The following CAPZB variants were observed in gnomAD, a reference collection of about 807,000 sequenced individuals.
CAPZB encodes the protein F-actin-capping protein subunit beta.
In CAPZB, 2 loss-of-function variants were observed where a neutral mutation model predicts 38.1. That is an observed-to-expected ratio of 0.05 (90% CI 0.02 to 0.17). The LOEUF (loss-of-function observed/expected upper bound fraction) is 0.17. CAPZB is among the 10% of genes least tolerant of loss of function. The pLI is 1.00. For missense variants in CAPZB, 161 were observed against 334.2 expected (o/e 0.48, Z 4.04); for synonymous variants, 107 against 127.4 (o/e 0.84, Z 1.08).
chr1:19,449,260 A>C (rs1040892559), intron 1 of CAPZB: 32 of 1,073,898 alleles, frequency 3.0e-5, no homozygotes, highest in Non-Finnish European at 3.6e-5. Context: ...TTGACACTTG[A>C]AAATTCCGAT....
At chr1:19,371,519 C>T (rs183669609) in intron 4 of CAPZB, among the ~76,000 whole-genome samples, 7 of 152,308 alleles carry the variant, frequency 4.6e-5, no homozygotes, top group Admixed American at 3.3e-4. Flanking sequence ...TTAACTCACT[C>T]GCCCAGTCAG....
At chr1:19,429,216 A>G (rs1203037626) in intron 1 of CAPZB, among the ~76,000 whole-genome samples, 3 of 151,934 alleles carry the variant, frequency 2.0e-5, no homozygotes, top group African/African-American at 7.3e-5. Context: ...TCCTCAACTA[A>G]TATGTTGCTT....
chr1:19,388,900 A>C (rs1469405113), intron 2 of CAPZB, among the ~76,000 whole-genome samples: 1 of 152,190 alleles, frequency 6.6e-6, no homozygotes, highest in East Asian at 1.9e-4. Context: ...TTTAAACTGG[A>C]ACTCAAAAAC....
At chr1:19,389,995 G>C (rs772087578) in intron 2 of CAPZB, among the ~76,000 whole-genome samples, 9 of 152,194 alleles carry the variant, frequency 5.9e-5, no homozygotes, top group Non-Finnish European at 1.2e-4. Context: ...GGCCAAGACA[G>C]GCCCTCCAGC....
intron 2 of CAPZB, among the ~76,000 whole-genome samples, chr1:19,389,756 C>T (rs776732053): frequency 1.3e-5 from 2 of 152,184 alleles, no homozygotes; most frequent in African/African-American, 4.8e-5. Context: ...CTAAATCTGA[C>T]AGCCAATCCC....
At chr1:19,347,229 G>A (rs527915511) in intron 6 of CAPZB, among the ~76,000 whole-genome samples, 3 of 152,256 alleles carry the variant, frequency 2.0e-5, no homozygotes, top group East Asian at 1.9e-4. Flanking sequence ...TGATGGGATC[G>A]TTAAAATCAT....
At chr1:19,468,728 T>A (rs1249159598) in intron 1 of CAPZB, among the ~76,000 whole-genome samples, 4 of 151,652 alleles carry the variant, frequency 2.6e-5, no homozygotes, top group Admixed American at 2.6e-4. Flanking sequence ...CTGGCTCCTC[T>A]GAGTTTAAAT....
At chr1:19,426,878 G>T (rs757311390) in intron 1 of CAPZB, among the ~76,000 whole-genome samples, 9 of 152,262 alleles carry the variant, frequency 5.9e-5, no homozygotes, top group Non-Finnish European at 1.2e-4. Flanking sequence ...AGAAGGATTT[G>T]TCTGGTGACC....
intron 6 of CAPZB, among the ~76,000 whole-genome samples, chr1:19,353,117 G>T (rs2268804): frequency 1.3e-5 from 2 of 152,226 alleles, no homozygotes; most frequent in Non-Finnish European, 2.9e-5. Context: ...CTGCCGGGGT[G>T]AGGCAGGCTG....
chr1:19,410,247 A>C (rs2094351444), intron 2 of CAPZB, among the ~76,000 whole-genome samples: 1 of 152,234 alleles, frequency 6.6e-6, no homozygotes, highest in Non-Finnish European at 1.5e-5. Context: ...CAGTTAGAAC[A>C]GATAGGATGC....
intron 4 of CAPZB, among the ~76,000 whole-genome samples, chr1:19,359,199 T>G (rs1424244743): frequency 6.9e-6 from 1 of 145,122 alleles, no homozygotes; most frequent in East Asian, 2.1e-4. Context: ...TATACAAGAA[T>G]TCTCTGTACT....
Position 19,356,536 on chromosome 1 carries a change from C to T in CAPZB, c.588+99G>A. On this transcript the variant is annotated intron_variant, in intron 6 of 8. Coordinates refer to ENST00000264202, the MANE Select transcript of CAPZB (RefSeq NM_004930.5). This position sits in a 1 kb window ranked among gnomAD's most constrained non-coding sequence, Gnocchi z 4.3. ...GTGGATTTATAGCTGGCTGAACATG[C>T]TTACCCTAAATGGGGCACCTGCTCA... is the stretch of plus-strand genomic sequence containing the variant. 1 of 810,056 alleles carries T rather than the reference C, an allele frequency of 1.2e-6. No individual in the cohort carries two copies. 50.2% of individuals were successfully genotyped at this position (810,056 alleles called of 1,614,324 possible). A position where few individuals can be genotyped will look rare whatever the true frequency, so the allele number is the denominator to read the frequency against.
chr1:19,344,322 G>A lies in CAPZB; in HGVS notation c.731+36C>T, dbSNP rs570080080. 1.0e-5 allele frequency: 16 copies of A among 1,553,894 alleles called. No homozygotes were observed. The East Asian group carries it at 2.2e-4, about 22-fold the overall frequency. On this transcript the variant is annotated intron_variant, in intron 8 of 8. Transcript: ENST00000264202. ...GCAGAGCCAGGGTTCAAATCCCTCT[G>A]TCTGCTTCTAAAGCTTGTGCTTTCT...
chr1:19,461,679 C>T (rs542517807), intron 1 of CAPZB, among the ~76,000 whole-genome samples: 13 of 152,240 alleles, frequency 8.5e-5, no homozygotes, highest in South Asian at 4.2e-4. Flanking sequence ...TTTATGGAAA[C>T]GAAATCTATC....
At position 19,446,972 on chromosome 1, in the gene CAPZB, C is replaced by A. The variant is rs117366984; in HGVS notation, c.4-27222G>T. On this transcript the variant is annotated intron_variant, in intron 1 of 8. Transcript: ENST00000264202. ...TCAATTTTACCCTCTATGGTTTGTA[C>A]TGTGCAAAACTAGGCTTCACTTTAT... Among the ~76,000 whole-genome samples, 49 of 152,292 alleles carry A rather than the reference C, an allele frequency of 3.2e-4. No individual in the cohort carries two copies. The East Asian group carries it at 9.4e-3, about 29-fold the overall frequency.
At chr1:19,448,863 G>A (rs774463622) in intron 1 of CAPZB, 47 of 1,612,762 alleles carry the variant, frequency 2.9e-5, no homozygotes, top group Non-Finnish European at 3.7e-5. Flanking sequence ...CATCTTCTGG[G>A]CTGGCCAAGG....
At chr1:19,407,982 G>T (rs932250081) in intron 2 of CAPZB, among the ~76,000 whole-genome samples, 2 of 152,202 alleles carry the variant, frequency 1.3e-5, no homozygotes, top group African/African-American at 4.8e-5. Context: ...TTTGGGTGGG[G>T]GGCCGTGGCA....
At chr1:19,399,714 G>A (rs564353075) in intron 2 of CAPZB, among the ~76,000 whole-genome samples, 9 of 152,232 alleles carry the variant, frequency 5.9e-5, no homozygotes, top group South Asian at 2.1e-4. Flanking sequence ...CTTCTACCTG[G>A]TTTATTCAAG....
intron 1 of CAPZB, among the ~76,000 whole-genome samples, chr1:19,448,342 C>G (rs532658439): frequency 6.6e-6 from 1 of 152,166 alleles, no homozygotes; most frequent in Admixed American, 6.5e-5. Flanking sequence ...TCCACCCTTT[C>G]GGGAGAGCAT....
Sources: allele counts gnomAD v4.1 joint callset (sites outside exome capture counted in the v4.1 genomes callset), GRCh38; gene constraint gnomAD v4.1.1; non-coding constraint Gnocchi (gnomAD v3.1); transcripts MANE v1.5; gene names NCBI Gene and HGNC (gene_info 2026-07-23, HGNC 2026-07-21).